GRID2IP: variants seen among roughly 807,000 people sequenced by gnomAD.
The protein encoded by GRID2IP is Grid2 interacting protein.
In GRID2IP, 78 loss-of-function variants were observed where a neutral mutation model predicts 114.3. That is an observed-to-expected ratio of 0.68 (90% CI 0.57 to 0.82). The LOEUF (loss-of-function observed/expected upper bound fraction) is 0.82, where lower values mean the gene tolerates loss of function less well. Among genes scored for constraint, GRID2IP ranks in the 40% least tolerant of loss-of-function variants. GRID2IP has a pLI of 0.00. For missense variants in GRID2IP, 1,727 were observed against 1,678.5 expected (o/e 1.03, Z -0.51); for synonymous variants, 809 against 724.0 (o/e 1.12, Z -1.89).
chr7:6,538,440 G>A (rs926332955), intron 2 of GRID2IP, among the ~76,000 whole-genome samples: 4 of 150,344 alleles, frequency 2.7e-5, no homozygotes, highest in Admixed American at 6.7e-5. Flanking sequence ...AGTGGCTCAC[G>A]CCTATAATCC....
At chr7:6,498,863 G>A (rs1445966909) in intron 20 of GRID2IP, among the ~76,000 whole-genome samples, 1 of 152,060 alleles carries the variant, frequency 6.6e-6, no homozygotes, top group Non-Finnish European at 1.5e-5. Context: ...GGGATTACAG[G>A]TGTGAGCCAC....
At chr7:6,512,947 T>C (rs1779207485) in intron 8 of GRID2IP, among the ~76,000 whole-genome samples, 1 of 152,156 alleles carries the variant, frequency 6.6e-6, no homozygotes, top group South Asian at 2.1e-4. Context: ...AGTGAACCAC[T>C]GCACCTGCAG....
chr7:6,529,782 A>G (rs182367988), intron 2 of GRID2IP, among the ~76,000 whole-genome samples: 64 of 152,226 alleles, frequency 4.2e-4, no homozygotes, highest in Admixed American at 7.2e-4. Context: ...AGTCCCTGCT[A>G]TGCCAACAGG....
At chr7:6,550,608 T>G (rs1018356457) in intron 1 of GRID2IP, among the ~76,000 whole-genome samples, 1 of 147,380 alleles carries the variant, frequency 6.8e-6, no homozygotes, top group Admixed American at 6.9e-5. Context: ...GTCAGGAGTT[T>G]GAGACCAGAC....
At chr7:6,512,494 C>T (rs1285178094) in intron 8 of GRID2IP, among the ~76,000 whole-genome samples, 1 of 151,752 alleles carries the variant, frequency 6.6e-6, no homozygotes, top group African/African-American at 2.4e-5. Context: ...GTGCATACCA[C>T]CACGCCTGGC....
chr7:6,551,264 C>T lies in GRID2IP; in HGVS notation c.173G>A (p.Gly58Asp), dbSNP rs1349937513. The change falls in exon 1 of 22, where the codon GGC becomes GAC. Residue 58 changes from glycine to aspartate, a missense_variant. Transcript: ENST00000457091. ...CACGAGGCGCTCGCGGCTCAGACCGCCCACCGCCAGCCCCTCCACCTCCAG... is the reference window on the plus strand; with the variant it reads ...CACGAGGCGCTCGCGGCTCAGACCGTCCACCGCCAGCCCCTCCACCTCCAG... ...QILEVEGLAV[G>D]GLSRERLVRL... 2.6e-6 allele frequency: 4 copies of T among 1,536,610 alleles called. No individual in the cohort carries two copies. Among genetic ancestry groups the T allele is most frequent in the Non-Finnish European group, 3.5e-6 (4 of 1,145,854 alleles).
At chr7:6,522,499 A>AT (rs112636543) in intron 4 of GRID2IP, among the ~76,000 whole-genome samples, 4,645 of 146,734 alleles carry the variant, frequency 0.032, 187 homozygotes, top group African/African-American at 0.095. Flanking sequence ...TATTTTCTGT[A>AT]TTTTTTTTTT....
Position 6,510,405 on chromosome 7 carries a change from A to T in GRID2IP, c.1654-5T>A. 1 of 1,518,908 alleles carries T rather than the reference A, an allele frequency of 6.6e-7. No homozygotes were observed. The highest frequency in any genetic ancestry group is 8.9e-7 in the Non-Finnish European group (1 of 1,128,748). 94.1% of individuals were successfully genotyped at this position (1,518,908 alleles called of 1,614,324 possible). A position where few individuals can be genotyped will look rare whatever the true frequency, so the allele number is the denominator to read the frequency against. Reference sequence around the variant, plus strand: ...CTCTGCATAGACGGCTGACATCTGGAGGGAGACGGGGGAGAGTCCAGCCCA... The same window carrying T: ...CTCTGCATAGACGGCTGACATCTGGTGGGAGACGGGGGAGAGTCCAGCCCA... On this transcript the variant is annotated splice_polypyrimidine_tract_variant and splice_region_variant and intron_variant, in intron 10 of 21. Transcript: ENST00000457091.
rs1365738450 is a variant in GRID2IP at position 6,506,656 on chromosome 7, A to G, written c.2545-749T>C. 7.2e-6 allele frequency among the ~76,000 whole-genome samples: 1 copy of G among 138,338 alleles called. No homozygotes were observed. Among genetic ancestry groups the G allele is most frequent in the Non-Finnish European group, 1.6e-5 (1 of 64,510 alleles). The allele number at this position is 138,338 out of a possible 152,430, so 90.8% of individuals were successfully genotyped here. A position where few individuals can be genotyped will look rare whatever the true frequency, so the allele number is the denominator to read the frequency against. On this transcript the variant is annotated intron_variant, in intron 13 of 21. Coordinates refer to ENST00000457091, the MANE Select transcript of GRID2IP (RefSeq NM_001145118.2). The surrounding 1 kb of genome is among the most constrained non-coding windows in gnomAD (Gnocchi z 5.2). ...TCTCCAGGGGACCCAGGAGGTCCTT[A>G]TTTGTGCCCTTGTCTCACTGAGGTA...
intron 2 of GRID2IP, among the ~76,000 whole-genome samples, chr7:6,530,256 C>A (rs966633888): frequency 2.0e-5 from 3 of 151,218 alleles, no homozygotes; most frequent in East Asian, 3.9e-4. Flanking sequence ...CCGCGCCTGG[C>A]CTTTTTTGTT....
intron 20 of GRID2IP, among the ~76,000 whole-genome samples, chr7:6,499,961 C>A (rs1355287790): frequency 6.6e-6 from 1 of 151,658 alleles, no homozygotes; most frequent in Admixed American, 6.6e-5. Flanking sequence ...AAACTCCTGG[C>A]CTCAAGCAAT....
chr7:6,524,909 C>CG (rs1404583411), intron 4 of GRID2IP, among the ~76,000 whole-genome samples: 2 of 151,472 alleles, frequency 1.3e-5, no homozygotes, highest in Non-Finnish European at 2.9e-5. Flanking sequence ...TTAGTAGAGA[C>CG]GGGTTTCACC....
intron 14 of GRID2IP, 67 bp from the exon 15 acceptor site, chr7:6,504,937 G>A (rs1786533116): frequency 1.5e-6 from 2 of 1,360,304 alleles, no homozygotes; most frequent in Non-Finnish European, 2.1e-6. Context: ...GCCCAGGGGT[G>A]GCGTGGTCAC....
Position 6,526,916 on chromosome 7 carries a change from G to T in GRID2IP, c.585-147C>A. The stretch of plus-strand genomic sequence containing the variant: ...CGGAGGGCTGGGGGGATCGGGATGA[G>T]CAGCCGGTAGCACCCCAGTCTCCCC... On this transcript the variant is annotated intron_variant, in intron 2 of 21. Transcript: ENST00000457091. The surrounding 1 kb of genome is among the most constrained non-coding windows in gnomAD (Gnocchi z 7.6). 2.2e-6 allele frequency: 2 copies of T among 901,934 alleles called. No individual in the cohort carries two copies. Among genetic ancestry groups the T allele is most frequent in the Non-Finnish European group, 3.1e-6 (2 of 650,638 alleles). The allele number at this position is 901,934 out of a possible 1,614,324, so 55.9% of individuals were successfully genotyped here. A position where few individuals can be genotyped will look rare whatever the true frequency, so the allele number is the denominator to read the frequency against.
At chr7:6,500,365 G>A (rs533306746) in intron 20 of GRID2IP, among the ~76,000 whole-genome samples, 56 of 152,188 alleles carry the variant, frequency 3.7e-4, no homozygotes, top group African/African-American at 1.4e-3. Flanking sequence ...TCGGGAGGCT[G>A]AGGCAGAAGA....
Position 6,501,826 on chromosome 7 carries a change from C to CT in GRID2IP, c.3353dup (p.Ser1119GlufsTer6). The CT allele has an allele frequency of 6.4e-7, 1 of 1,551,550 alleles. No homozygotes were observed. Among genetic ancestry groups the CT allele is most frequent in the Non-Finnish European group, 8.7e-7 (1 of 1,146,988 alleles). On this transcript the variant is annotated frameshift_variant, in exon 20 of 22. Transcript: ENST00000457091. LOFTEE classifies it high-confidence loss of function. The stretch of plus-strand genomic sequence containing the variant: ...TGTCCTCGCTAGAGGGGGAAATGCT[C>CT]TGGCAGGCATCCTGTATCTCGCTGA...
At position 6,510,647 on chromosome 7, in the gene GRID2IP, C is replaced by T. The variant is rs1041314777; in HGVS notation, c.1615G>A (p.Asp539Asn). The change falls in exon 10 of 22, where the codon GAC becomes AAC. Residue 539 changes from aspartate to asparagine, a missense_variant. Transcript: ENST00000457091. The stretch of plus-strand genomic sequence containing the variant: ...GGGGTCTCAGGGAGGGACGTGCCGT[C>T]GCCTGCCTGGCGCTCGCCTGGGATC... The part of the protein sequence containing the change: ...PLIPGERQAG[D>N]GTSLPETPNP... 1.0e-5 allele frequency: 16 copies of T among 1,538,118 alleles called. No homozygotes were observed. Among genetic ancestry groups the T allele is most frequent in the Non-Finnish European group, 1.3e-5 (15 of 1,142,808 alleles).
At chr7:6,540,517 GTTAT>G (rs1194775857) in intron 1 of GRID2IP, among the ~76,000 whole-genome samples, 3 of 150,932 alleles carry the variant, frequency 2.0e-5, no homozygotes, top group Non-Finnish European at 4.4e-5. Context: ...TTAATTTATT[GTTAT>G]TTATTTATTT....
At chr7:6,537,016 G>A (rs1199838038) in intron 2 of GRID2IP, 2 of 474,440 alleles carry the variant, frequency 4.2e-6, no homozygotes, top group East Asian at 3.8e-5. Context: ...GGGAGGGGGC[G>A]GGCTGAGTCC....
Sources: gnomAD v4.1 joint callset for allele counts (sites outside exome capture counted in the v4.1 genomes callset) on GRCh38, gnomAD v4.1.1 for gene constraint, Gnocchi (gnomAD v3.1) non-coding constraint, MANE v1.5 for transcripts, NCBI Gene and HGNC (gene_info 2026-07-23, HGNC 2026-07-21) for gene names.